The following RASGRP4 variants were observed in gnomAD, a reference collection of about 807,000 sequenced individuals.
RASGRP4 encodes RAS guanyl releasing protein 4, also known as RAS guanyl-releasing protein 4.
A neutral mutation model predicts 84.4 loss-of-function variants in RASGRP4; 52 were observed. That is an observed-to-expected ratio of 0.62 (90% CI 0.49 to 0.78). The LOEUF (loss-of-function observed/expected upper bound fraction) is 0.78. RASGRP4 is among the 30% of genes least tolerant of loss of function. The pLI, the probability that RASGRP4 is intolerant of heterozygous loss-of-function variation, is 0.00. For synonymous variants in RASGRP4, 356 were observed against 359.1 expected (o/e 0.99, Z 0.10); for missense variants, 760 against 886.9 (o/e 0.86, Z 1.82).
intron 16 of RASGRP4, 112 bp downstream of exon 16, chr19:38,410,774 G>A (rs1971207905): frequency 1.3e-6 from 1 of 741,816 alleles, no homozygotes; most frequent in African/African-American, 1.8e-5. Flanking sequence ...CAGCAGTCAA[G>A]GACTTCTGCA....
chr19:38,422,031 C>T lies in RASGRP4; in HGVS notation c.146G>A (p.Gly49Asp), dbSNP rs372634426. 128 of 1,613,556 alleles carry T rather than the reference C, an allele frequency of 7.9e-5. No homozygotes were observed. In the African/African-American group the frequency reaches 1.6e-3, roughly 20 times the overall value. ...GCTGCAGCCGCCCTCACTCAGCAGGCCCAGGTTCATGGAAGCCATGACCTT... is the reference window on the plus strand; with the variant it reads ...GCTGCAGCCGCCCTCACTCAGCAGGTCCAGGTTCATGGAAGCCATGACCTT... ...ISKVMASMNL[G>D]LLSEGGCSED... Residue 49 changes from glycine (G) to aspartate (D), a missense_variant, in exon 2 of 17, where the codon GGC (glycine) becomes GAC (aspartate). Gly to Asp is a moderately conservative substitution (Grantham distance 94). Coordinates refer to ENST00000615439, the MANE Select transcript of RASGRP4 (RefSeq NM_170604.3).
At position 38,410,872 on chromosome 19, in the gene RASGRP4, C is replaced by G. The variant is rs879025582; in HGVS notation, c.1965+14G>C. On this transcript the variant is annotated intron_variant, in intron 16 of 16. Coordinates refer to ENST00000615439, the MANE Select transcript of RASGRP4 (RefSeq NM_170604.3). ...CCCTGTATCCACTTGGGGGTAGGGG[C>G]GGTTTCTCCTCACCGTATCTGTTTC... 11 of 1,559,584 alleles carry G rather than the reference C, an allele frequency of 7.1e-6. No individual in the cohort carries two copies. Among genetic ancestry groups the G allele is most frequent in the Non-Finnish European group, 9.6e-6 (11 of 1,146,084 alleles).
intron 16 of RASGRP4, among the ~76,000 whole-genome samples, chr19:38,410,413 TC>T (rs1336612503): frequency 2.4e-4 from 35 of 148,320 alleles, no homozygotes; most frequent in Non-Finnish European, 2.8e-4. Context: ...CTTCTATTTT[TC>T]TTTTTTTTTT....
chr19:38,410,557 C>T (rs1971196163), intron 16 of RASGRP4, among the ~76,000 whole-genome samples: 1 of 151,826 alleles, frequency 6.6e-6, no homozygotes, highest in Non-Finnish European at 1.5e-5. Flanking sequence ...GGACTACAGG[C>T]ACCCGCCATC....
rs1971240810 is a variant in RASGRP4, at chr19:38,411,215, G to A, written c.1752C>T (p.Asp584=). 1.2e-6 allele frequency: 2 copies of A among 1,613,812 alleles called. No individual in the cohort carries two copies. Among genetic ancestry groups the A allele is most frequent in the Non-Finnish European group, 1.7e-6 (2 of 1,179,880 alleles). ...CGLCCHKHCR[D]QVKVECKKRP... ...TCTTCTTACATTCTACCTTCACCTG[G>A]TCTCTGCAGTGTTTGTGGCAACACA... Residue 584 remains aspartate (D), a synonymous_variant, in exon 15 of 17, where the codon GAC becomes GAT. Coordinates refer to ENST00000615439, the MANE Select transcript of RASGRP4 (RefSeq NM_170604.3).
chr19:38,411,645 G>A (rs142462296), intron 13 of RASGRP4: 15 of 463,904 alleles, frequency 3.2e-5, no homozygotes, highest in African/African-American at 2.9e-4. Context: ...AATGAACCAT[G>A]ATCGTACCAC....
In RASGRP4 at chr19:38,418,951, T is replaced by C. The variant is rs944835492; in HGVS notation, c.664-387A>G. Reference sequence around the variant, plus strand: ...ATATGCTCTTAACTGTACACCTGACTGGTATACAGTAAGCAAAGGGAAGGC... The same window carrying C: ...ATATGCTCTTAACTGTACACCTGACCGGTATACAGTAAGCAAAGGGAAGGC... On this transcript the variant is annotated intron_variant, in intron 6 of 16. Transcript: ENST00000615439. The surrounding 1 kb of genome is among the most constrained non-coding windows in gnomAD (Gnocchi z 4.6). 6.6e-6 allele frequency among the ~76,000 whole-genome samples: 1 copy of C among 152,162 alleles called. No homozygotes were observed. The highest frequency in any genetic ancestry group is 1.5e-5 in the Non-Finnish European group (1 of 68,040).
Position 38,410,414 on chromosome 19 carries a change from C to CTTT in RASGRP4, c.1966-321_1966-319dup, listed in dbSNP as rs1001083743. Among the ~76,000 whole-genome samples the CTTT allele has an allele frequency of 3.5e-3, 471 of 136,030 alleles. 3 individuals are homozygous for CTTT. The highest frequency in any genetic ancestry group is 0.023 in the Middle Eastern group (6 of 258). The allele number at this position is 136,030 out of a possible 152,430, so 89.2% of individuals were successfully genotyped here. On this transcript the variant is annotated intron_variant, in intron 16 of 16. Coordinates refer to ENST00000615439, the MANE Select transcript of RASGRP4 (RefSeq NM_170604.3). ...CCAACATGTTGAAACTTCTATTTTT[C>CTTT]TTTTTTTTTTTTTTTTGAGACAGGG...
At chr19:38,410,816 T>C in intron 16 of RASGRP4, 70 bp downstream of exon 16, 2 of 1,133,122 alleles carry the variant, frequency 1.8e-6, no homozygotes, top group Middle Eastern at 2.0e-4. Context: ...TCCAAATCTG[T>C]CCAGTCTTCC....
rs557884170 is a variant in RASGRP4, at chr19:38,412,177, G to T, written c.1680+495C>A. 6.6e-6 allele frequency among the ~76,000 whole-genome samples: 1 copy of T among 152,250 alleles called. No homozygotes were observed. Among genetic ancestry groups the T allele is most frequent in the South Asian group, 2.1e-4 (1 of 4,824 alleles). ...TCTGTCACCCAAGCTGGAGTGCAGT[G>T]CTGCGATCTTGGCTCATGCAACCTC... is the stretch of plus-strand genomic sequence containing the variant. On this transcript the variant is annotated intron_variant, in intron 13 of 16. Transcript: ENST00000615439. The surrounding 1 kb of genome is among the most constrained non-coding windows in gnomAD (Gnocchi z 4.6).
chr19:38,418,429 G>A lies in RASGRP4; in HGVS notation c.799C>T (p.Arg267Cys). 6.2e-7 allele frequency: 1 copy of A among 1,606,080 alleles called. No individual in the cohort carries two copies. Among genetic ancestry groups the A allele is most frequent in the South Asian group, 1.1e-5 (1 of 89,494 alleles). ...MVLSRPGPLQRAQVLDKFIHV... is the reference protein window; with the variant it reads ...MVLSRPGPLQCAQVLDKFIHV... Reference sequence around the variant, plus strand: ...ATGAACTTGTCCAGCACCTGTGCACGCTGTAGGGGCCCGGGACGGCTCAGC... The same window carrying A: ...ATGAACTTGTCCAGCACCTGTGCACACTGTAGGGGCCCGGGACGGCTCAGC... The change falls in exon 7 of 17, where the codon CGT becomes TGT. Residue 267 changes from arginine to cysteine, a missense_variant. Physicochemically the swap from Arg to Cys is radical, Grantham distance 180. Transcript: ENST00000615439. The surrounding 1 kb of genome is among the most constrained non-coding windows in gnomAD (Gnocchi z 4.6).
intron 1 of RASGRP4, among the ~76,000 whole-genome samples, chr19:38,425,201 A>AC (rs985054709): frequency 6.2e-4 from 92 of 148,176 alleles, no homozygotes; most frequent in African/African-American, 2.2e-3. Context: ...AAAAACAAAA[A>AC]AAAAAAAACC....
chr19:38,409,114 G>T lies in RASGRP4; in HGVS notation c.*926C>A. 1 of 377,372 alleles carries T rather than the reference G, an allele frequency of 2.6e-6. No homozygotes were observed. Among genetic ancestry groups the T allele is most frequent in the Non-Finnish European group, 4.6e-6 (1 of 215,886 alleles). 23.4% of individuals were successfully genotyped at this position (377,372 alleles called of 1,614,324 possible). A position where few individuals can be genotyped will look rare whatever the true frequency, so the allele number is the denominator to read the frequency against. ...TAGGACCTCTCTCTGTGGGGGCCAA[G>T]TCAGGGGTGTTGGGGTTTGTGAAGG... On this transcript the variant is annotated 3_prime_UTR_variant, in exon 17 of 17. Transcript: ENST00000615439.
intron 9 of RASGRP4, among the ~76,000 whole-genome samples, chr19:38,414,220 C>G (rs1046648856): frequency 6.6e-6 from 1 of 152,154 alleles, no homozygotes; most frequent in Non-Finnish European, 1.5e-5. Context: ...CCACTGCGCC[C>G]GGCTAGACAC....
chr19:38,416,936 A>G (rs1036156676), intron 8 of RASGRP4, 116 bp downstream of exon 8: 6 of 673,856 alleles, frequency 8.9e-6, no homozygotes, highest in Non-Finnish European at 1.6e-5. Flanking sequence ...TGGAGGAGCA[A>G]GGACTTCATG....
At position 38,410,844 on chromosome 19, in the gene RASGRP4, G is replaced by A. The variant is rs752342291; in HGVS notation, c.1965+42C>T. On this transcript the variant is annotated intron_variant, in intron 16 of 16. Transcript: ENST00000615439. ...AGTCTTCCCCACGCCAATGGCCTGT[G>A]TCCCCTGTATCCACTTGGGGGTAGG... The A allele has an allele frequency of 3.6e-6, 5 of 1,384,060 alleles. No individual in the cohort carries two copies. In the East Asian group the frequency reaches 1.2e-4, roughly 34 times the overall value. 85.7% of individuals were successfully genotyped at this position (1,384,060 alleles called of 1,614,324 possible). A position where few individuals can be genotyped will look rare whatever the true frequency, so the allele number is the denominator to read the frequency against.
chr19:38,416,728 G>T (rs140899203), intron 8 of RASGRP4, among the ~76,000 whole-genome samples: 1 of 152,220 alleles, frequency 6.6e-6, no homozygotes, highest in East Asian at 1.9e-4. Flanking sequence ...GGCATCTTCG[G>T]CTTAATTTCC....
At chr19:38,421,466 C>T (rs1971746903) in intron 2 of RASGRP4, among the ~76,000 whole-genome samples, 1 of 152,176 alleles carries the variant, frequency 6.6e-6, no homozygotes, top group South Asian at 2.1e-4. Flanking sequence ...AATCCCAGCA[C>T]TTTGGGAGGC....
chr19:38,417,370 A>G lies in RASGRP4; in HGVS notation c.838-202T>C, dbSNP rs575925810. The stretch of plus-strand genomic sequence containing the variant: ...CACAGGGGTGTCAGATGGCTATCTG[A>G]GCCGGGAGGGTCAAGCAAGTGATTG... On this transcript the variant is annotated intron_variant, in intron 7 of 16. Transcript: ENST00000615439. This position sits in a 1 kb window ranked among gnomAD's most constrained non-coding sequence, Gnocchi z 5.1. Among the ~76,000 whole-genome samples the G allele has an allele frequency of 3.9e-5, 6 of 152,204 alleles. No homozygotes were observed. The East Asian group carries it at 9.7e-4, about 25-fold the overall frequency.
Sources: gnomAD v4.1 joint callset for allele counts (sites outside exome capture counted in the v4.1 genomes callset) on GRCh38, gnomAD v4.1.1 for gene constraint, Gnocchi (gnomAD v3.1) non-coding constraint, MANE v1.5 for transcripts, NCBI Gene and HGNC (gene_info 2026-07-23, HGNC 2026-07-21) for gene names.